Variants in NPAS3 observed in about 807,000 individuals in gnomAD.
NPAS3 encodes neuronal PAS domain-containing protein 3.
Under a neutral mutation model 73.1 loss-of-function variants are expected in NPAS3, and 14 were observed. The observed-to-expected ratio is 0.19, with a 90% confidence interval of 0.13 to 0.30. NPAS3 has a LOEUF of 0.30. Among genes scored for constraint, NPAS3 ranks in the 10% least tolerant of loss-of-function variants. The pLI is 1.00. For missense variants in NPAS3, 1,096 were observed against 1,250.0 expected, an observed-to-expected ratio of 0.88 and a Z score of 1.86; for synonymous variants, 620 against 541.5, an observed-to-expected ratio of 1.14 and a Z score of -2.01.
At chr14:33,636,359 C>T (rs966738451) in intron 5 of NPAS3, among the ~76,000 whole-genome samples, 13 of 152,244 alleles carry the variant, frequency 8.5e-5, no homozygotes, top group African/African-American at 3.1e-4. Flanking sequence ...ACGCTAGCAT[C>T]TGCATTATTT....
chr14:33,658,022 C>T (rs1376004349), intron 5 of NPAS3, among the ~76,000 whole-genome samples: 1 of 152,266 alleles, frequency 6.6e-6, no homozygotes, highest in Non-Finnish European at 1.5e-5. Flanking sequence ...TCCCGCCTCT[C>T]AGCCCGAAAG....
At chr14:33,530,016 G>T (rs1233729744) in intron 4 of NPAS3, among the ~76,000 whole-genome samples, 1 of 152,120 alleles carries the variant, frequency 6.6e-6, no homozygotes, top group East Asian at 1.9e-4. Context: ...CAGATGTCTC[G>T]AATGTCTTCA....
intron 3 of NPAS3, among the ~76,000 whole-genome samples, chr14:33,263,278 T>C (rs957780880): frequency 2.3e-4 from 35 of 152,222 alleles, no homozygotes; most frequent in Non-Finnish European, 4.8e-4. Flanking sequence ...CTTTAATCCA[T>C]CTTGAATTAA....
intron 4 of NPAS3, among the ~76,000 whole-genome samples, chr14:33,515,818 T>G (rs1342964634): frequency 6.6e-6 from 1 of 152,116 alleles, no homozygotes; most frequent in Non-Finnish European, 1.5e-5. Flanking sequence ...CTTAACACCT[T>G]TACGATCTCT....
At chr14:33,332,290 T>C (rs2044021754) in intron 3 of NPAS3, among the ~76,000 whole-genome samples, 1 of 152,208 alleles carries the variant, frequency 6.6e-6, no homozygotes, top group South Asian at 2.1e-4. Flanking sequence ...TCCATAATGA[T>C]ACTTATCTTT....
chr14:32,988,027 G>T (rs1049123977), intron 1 of NPAS3, among the ~76,000 whole-genome samples: 4 of 151,826 alleles, frequency 2.6e-5, no homozygotes, highest in Admixed American at 2.6e-4. Flanking sequence ...TACATCAATA[G>T]GAGAAAATGG....
chr14:33,453,152 C>T (rs1018080137), intron 4 of NPAS3, among the ~76,000 whole-genome samples: 1 of 152,154 alleles, frequency 6.6e-6, no homozygotes, highest in African/African-American at 2.4e-5. Context: ...TCACCAAGCC[C>T]CCGCTGCTCA....
rs146906714 is a variant in NPAS3, at chr14:33,430,781, A to G, written c.468+63513A>G. On this transcript the variant is annotated intron_variant, in intron 4 of 11. Transcript: ENST00000356141. Reference sequence around the variant, plus strand: ...AATTTTCCCGCATGTCTTCTTGTTTAATGAGAGGAGTGGTGGCCTTTATCT... The same window carrying G: ...AATTTTCCCGCATGTCTTCTTGTTTGATGAGAGGAGTGGTGGCCTTTATCT... Among the ~76,000 whole-genome samples the G allele has an allele frequency of 2.6e-3, 391 of 152,262 alleles. 1 individual carries two copies. The highest frequency in any genetic ancestry group is 6.8e-3 in the Middle Eastern group (2 of 294).
At chr14:33,234,932 A>G (rs1044817600) in intron 3 of NPAS3, among the ~76,000 whole-genome samples, 41 of 152,068 alleles carry the variant, frequency 2.7e-4, no homozygotes, top group African/African-American at 9.2e-4. Flanking sequence ...TAGATACGGT[A>G]TTGTAGCTAT....
At chr14:33,753,558 A>C (rs544405363) in intron 7 of NPAS3, among the ~76,000 whole-genome samples, 1 of 152,278 alleles carries the variant, frequency 6.6e-6, no homozygotes, top group East Asian at 1.9e-4. Flanking sequence ...GGAGGAAAAG[A>C]AGTAGCCAAT....
chr14:33,763,810 C>A (rs900568262), intron 7 of NPAS3, among the ~76,000 whole-genome samples: 13 of 143,112 alleles, frequency 9.1e-5, no homozygotes, highest in African/African-American at 3.8e-4. Flanking sequence ...GGTTTGATCA[C>A]TAAAGAATTT....
intron 5 of NPAS3, among the ~76,000 whole-genome samples, chr14:33,597,057 G>A (rs951355688): frequency 6.6e-6 from 1 of 152,142 alleles, no homozygotes; most frequent in Non-Finnish European, 1.5e-5. Flanking sequence ...AATCAAAGGC[G>A]GTCTTGTAAA....
chr14:32,980,265 T>C (rs919209922), intron 1 of NPAS3, among the ~76,000 whole-genome samples: 1 of 152,206 alleles, frequency 6.6e-6, no homozygotes, highest in Non-Finnish European at 1.5e-5. Flanking sequence ...TTTTTCTGTC[T>C]AGTGAAAAGA....
intron 7 of NPAS3, among the ~76,000 whole-genome samples, chr14:33,766,327 C>T (rs1028933848): frequency 6.6e-6 from 1 of 152,152 alleles, no homozygotes; most frequent in African/African-American, 2.4e-5. Context: ...TTAGTCTCTT[C>T]AGGATTCAGA....
chr14:33,299,147 A>G (rs2042423118), intron 3 of NPAS3, among the ~76,000 whole-genome samples: 1 of 152,232 alleles, frequency 6.6e-6, no homozygotes, highest in Non-Finnish European at 1.5e-5. Context: ...AAGCTGAGGT[A>G]TAAGTGAATA....
chr14:33,673,090 A>G (rs1304371249), intron 5 of NPAS3, among the ~76,000 whole-genome samples: 3 of 152,198 alleles, frequency 2.0e-5, no homozygotes, highest in African/African-American at 7.2e-5. Context: ...TTCAATGGCA[A>G]AGCATCTCCA....
At chr14:33,721,310 G>A (rs1245239582) in intron 6 of NPAS3, among the ~76,000 whole-genome samples, 1 of 152,120 alleles carries the variant, frequency 6.6e-6, no homozygotes, top group Non-Finnish European at 1.5e-5. Context: ...GGTTGTTGGC[G>A]TCAACAACAA....
At chr14:33,283,041 C>G (rs1032845593) in intron 3 of NPAS3, among the ~76,000 whole-genome samples, 5 of 152,188 alleles carry the variant, frequency 3.3e-5, no homozygotes, top group Non-Finnish European at 7.3e-5. Context: ...CCACATGTGA[C>G]TCTGCCCCAC....
At chr14:33,469,737 C>G (rs2050698473) in intron 4 of NPAS3, among the ~76,000 whole-genome samples, 1 of 152,072 alleles carries the variant, frequency 6.6e-6, no homozygotes, top group East Asian at 1.9e-4. Flanking sequence ...CTTAATTTGA[C>G]TGTTTGGTAA....
Sources: gnomAD v4.1 joint callset for allele counts (sites outside exome capture counted in the v4.1 genomes callset) on GRCh38, gnomAD v4.1.1 for gene constraint, MANE v1.5 for transcripts, NCBI Gene and HGNC (gene_info 2026-07-23, HGNC 2026-07-21) for gene names.